Variants in BCAR1 observed in about 807,000 individuals in gnomAD.
The protein encoded by BCAR1 is BCAR1 scaffold protein, Cas family member.
Under a neutral mutation model 67.6 loss-of-function variants are expected in BCAR1, and 30 were observed. The ratio of observed to expected loss-of-function variants is 0.44; its 90% confidence interval spans 0.33 to 0.60. The LOEUF is 0.60. Among genes scored for constraint, BCAR1 ranks in the 20% least tolerant of loss-of-function variants. The probability of loss-of-function intolerance (pLI) is 0.02; values close to 1 mark genes in which losing one functional copy is unlikely to be tolerated. For synonymous variants in BCAR1, 626 were observed against 556.7 expected (o/e 1.12, Z -1.75); for missense variants, 1,313 against 1,222.3 (o/e 1.07, Z -1.11).
chr16:75,245,961 G>GTTTTTTTT lies in BCAR1; in HGVS notation c.13-2872_13-2871insAAAAAAAA, dbSNP rs1405738465. On this transcript the variant is annotated intron_variant, in intron 1 of 6. Transcript: ENST00000162330. ...ATGACAGCCCTCATTTCATAGGATTGTTCTTTTTTTTTTTTTTTTTTTTTT... is the reference window on the plus strand; with the variant it reads ...ATGACAGCCCTCATTTCATAGGATTGTTTTTTTTTTCTTTTTTTTTTTTTTTTTTTTTT... The GTTTTTTTT allele has an allele frequency of 1.1e-3, 29 of 26,976 alleles. 2 individuals carry two copies. Among genetic ancestry groups the GTTTTTTTT allele is most frequent in the Admixed American group, 3.5e-3 (6 of 1,736 alleles). The allele number at this position is 26,976 out of a possible 1,614,324, so 1.7% of individuals were successfully genotyped here.
In BCAR1 at chr16:75,235,794, G is replaced by C. The variant is rs990414093; in HGVS notation, c.1105C>G (p.Pro369Ala). Reference protein sequence around the residue: ...EDVYDVPPPAPDLYDVPPGLR... With the variant: ...EDVYDVPPPAADLYDVPPGLR... ...CCAGGGGGCACGTCGTAGAGGTCAG[G>C]AGCCGGGGGCGGCACGTCATACACG... The change falls in exon 5 of 7, where the codon CCT (proline) becomes GCT (alanine). Residue 369 changes from proline to alanine, a missense_variant. Transcript: ENST00000162330. The C allele has an allele frequency of 2.5e-6, 4 of 1,594,306 alleles. No homozygotes were observed. Among genetic ancestry groups the C allele is most frequent in the Non-Finnish European group, 3.4e-6 (4 of 1,169,912 alleles).
At chr16:75,253,863 A>C (rs149160076), upstream of BCAR1, among the ~76,000 whole-genome samples, 976 of 152,294 alleles carry the variant, frequency 6.4e-3, 7 homozygotes, top group African/African-American at 0.022. Context: ...ATGCAGCCCC[A>C]CATACCCAGC....
At chr16:75,237,370 G>A in intron 2 of BCAR1, 26 bp from the exon 3 acceptor site, 2 of 1,444,794 alleles carry the variant, frequency 1.4e-6, no homozygotes. Flanking sequence ...CGACTTCACT[G>A]CTGCCCTCAA....
chr16:75,265,993 A>G (rs1597297289), intron 1 of BCAR1: 14 of 1,043,288 alleles, frequency 1.3e-5, no homozygotes, highest in Non-Finnish European at 1.6e-5. Flanking sequence ...CGGCCGCTCC[A>G]GCCGCGCCGC....
rs769103790 is a variant in BCAR1, at chr16:75,229,834, C to T, written c.2290G>A (p.Ala764Thr). 9 of 1,613,268 alleles carry T rather than the reference C, an allele frequency of 5.6e-6. No homozygotes were observed. Among genetic ancestry groups the T allele is most frequent in the African/African-American group, 4.0e-5 (3 of 74,918 alleles). The change falls in exon 7 of 7, where the codon GCC (alanine) becomes ACC (threonine). Residue 764 changes from alanine to threonine, a missense_variant. By Grantham distance (58) the Ala-to-Thr change is moderately conservative. Transcript: ENST00000162330. ...TTGGTGGCCACGGCGGTAAAGAAGG[C>T]GTCCACGGCGTTGGTCAGTGTGGTC... Reference protein sequence around the residue: ...NLTTLTNAVDAFFTAVATNQP... With the variant: ...NLTTLTNAVDTFFTAVATNQP...
intron 6 of BCAR1, among the ~76,000 whole-genome samples, chr16:75,233,370 G>T (rs977825558): frequency 2.0e-5 from 3 of 149,284 alleles, no homozygotes; most frequent in Non-Finnish European, 4.4e-5. Context: ...AAGATTCTGT[G>T]TCAAAAAAAA....
At chr16:75,238,105 C>A in intron 2 of BCAR1, 10 of 1,288,862 alleles carry the variant, frequency 7.8e-6, no homozygotes, top group Non-Finnish European at 1.0e-5. Context: ...ACCCAGAGCC[C>A]AGGGAAGCCA....
chr16:75,231,941 G>A (rs1320779273), intron 6 of BCAR1, among the ~76,000 whole-genome samples: 1 of 152,214 alleles, frequency 6.6e-6, no homozygotes, highest in Non-Finnish European at 1.5e-5. Context: ...GAGTGCAGTG[G>A]TGCGATCTCG....
Position 75,260,651 on chromosome 16 carries a change from C to T in BCAR1, c.66+7264G>A, listed in dbSNP as rs939352767. On this transcript the variant is annotated intron_variant, in intron 1 of 6. Transcript: ENST00000393422. ...TCCATCTCAAAAAAAAAAAAAAAAACCTCATCCAACTAACTGTTTAACATC... is the reference window on the plus strand; with the variant it reads ...TCCATCTCAAAAAAAAAAAAAAAAATCTCATCCAACTAACTGTTTAACATC... Among the ~76,000 whole-genome samples, 3 of 149,260 alleles carry T rather than the reference C, an allele frequency of 2.0e-5. No homozygotes were observed. The South Asian group carries it at 6.5e-4, about 32-fold the overall frequency.
chr16:75,265,705 C>T lies in BCAR1; in HGVS notation c.66+2210G>A, dbSNP rs2151487171. Reference sequence around the variant, plus strand: ...GCGCTCTCCCCCGGGGCCGAGGAGGCCCCAGTGAGGCGACCCCCAGTCCGG... The same window carrying T: ...GCGCTCTCCCCCGGGGCCGAGGAGGTCCCAGTGAGGCGACCCCCAGTCCGG... On this transcript the variant is annotated intron_variant, in intron 1 of 6. Coordinates refer to the BCAR1 transcript ENST00000393422. 3 of 1,130,842 alleles carry T rather than the reference C, an allele frequency of 2.7e-6. No homozygotes were observed. In the Admixed American group the frequency reaches 1.4e-4, roughly 53 times the overall value. The allele number at this position is 1,130,842 out of a possible 1,614,324, so 70.1% of individuals were successfully genotyped here.
chr16:75,251,730 C>A (rs1362613601), upstream of BCAR1: 1 of 976,034 alleles, frequency 1.0e-6, no homozygotes. Flanking sequence ...AAATAAGCCG[C>A]CTGTCGGGGG....
chr16:75,234,861 G>C, intron 5 of BCAR1, 28 bp downstream of exon 5: 1 of 1,517,332 alleles, frequency 6.6e-7, no homozygotes, highest in South Asian at 1.3e-5. Flanking sequence ...GGCAGAAGAG[G>C]AGCCGGGGCT....
rs752881055 is a variant in BCAR1 at position 75,235,032 on chromosome 16, G to A, written c.1867C>T (p.Pro623Ser). ...PGPEGGGTLH[P>S]NPTDKTSSIQ... is the part of the protein sequence containing the mutation. ...CTGCTGGTCTTGTCAGTGGGGTTGG[G>A]GTGCAGGGTGCCACCCCCCTCAGGC... The change falls in exon 5 of 7, where the codon CCC becomes TCC. Residue 623 changes from proline to serine, a missense_variant. Pro to Ser is a moderately conservative substitution (Grantham distance 74, BLOSUM62 -1). Transcript: ENST00000162330. 6.2e-7 allele frequency: 1 copy of A among 1,613,294 alleles called. No individual in the cohort carries two copies. Among genetic ancestry groups the A allele is most frequent in the South Asian group, 1.1e-5 (1 of 91,074 alleles).
intron 2 of BCAR1, chr16:75,237,963 C>T: frequency 1.7e-6 from 2 of 1,146,648 alleles, no homozygotes; most frequent in Non-Finnish European, 2.3e-6. Flanking sequence ...GGACCAAGGC[C>T]CCCTCCCTGC....
chr16:75,236,470 C>A (rs1311788664), intron 4 of BCAR1: 1 of 336,646 alleles, frequency 3.0e-6, no homozygotes, highest in Non-Finnish European at 5.4e-6. Context: ...TGTGAACTTT[C>A]TACTCTGCAG....
rs553844830 is a variant in BCAR1 at position 75,258,859 on chromosome 16, C to T, written c.66+9056G>A. ...TGTGTGCCTCCTGGGCTTAGGGCTT[C>T]CAGCGCTGGGGCAGGCGCAGCAAGG... is the stretch of plus-strand genomic sequence containing the variant. On this transcript the variant is annotated intron_variant, in intron 1 of 6. Coordinates refer to the BCAR1 transcript ENST00000393422. 2.4e-4 allele frequency among the ~76,000 whole-genome samples: 37 copies of T among 152,238 alleles called. 1 individual carries two copies. The highest frequency in any genetic ancestry group is 3.4e-3 in the Middle Eastern group (1 of 294).
chr16:75,265,649 G>A (rs977194871), intron 1 of BCAR1, among the ~76,000 whole-genome samples: 7 of 151,978 alleles, frequency 4.6e-5, no homozygotes, highest in African/African-American at 1.7e-4. Flanking sequence ...GGGGCAGAGA[G>A]GCCGGCTTGG....
At chr16:75,238,371 A>C (rs1243068279) in intron 2 of BCAR1, 1 of 1,098,430 alleles carries the variant, frequency 9.1e-7, no homozygotes, top group Non-Finnish European at 1.1e-6. Context: ...CCTTCATCAA[A>C]GGGGATGTCT....
chr16:75,243,824 G>C (rs1180774968), intron 1 of BCAR1, among the ~76,000 whole-genome samples: 1 of 152,238 alleles, frequency 6.6e-6, no homozygotes, highest in Non-Finnish European at 1.5e-5. Flanking sequence ...TGGGACACTA[G>C]AGCCCAGGCA....
Sources: allele counts gnomAD v4.1 joint callset (sites outside exome capture counted in the v4.1 genomes callset), GRCh38; gene constraint gnomAD v4.1.1; transcripts MANE v1.5; gene names NCBI Gene and HGNC (gene_info 2026-07-23, HGNC 2026-07-21).